Variants in GRM4 observed in about 807,000 individuals in gnomAD.
GRM4 encodes metabotropic glutamate receptor 4.
A neutral mutation model predicts 81.7 loss-of-function variants in GRM4; 28 were observed. The observed-to-expected ratio is 0.34, with a 90% CI of 0.25 to 0.47. The LOEUF (loss-of-function observed/expected upper bound fraction) is 0.47. Among genes scored for constraint, GRM4 ranks in the 20% least tolerant of loss-of-function variants. The probability of loss-of-function intolerance (pLI) is 1.00; values close to 1 mark genes in which losing one functional copy is unlikely to be tolerated. For missense variants in GRM4, 948 were observed against 1,290.0 expected (o/e 0.73, Z 4.06); for synonymous variants, 488 against 528.8 (o/e 0.92, Z 1.06).
At chr6:34,077,927 C>T (rs1413716500) in intron 3 of GRM4, among the ~76,000 whole-genome samples, 1 of 152,086 alleles carries the variant, frequency 6.6e-6, no homozygotes, top group African/African-American at 2.4e-5. Context: ...GCCTCTGTGC[C>T]CACCAGCCTC....
At position 34,053,787 on chromosome 6, in the gene GRM4, C is replaced by T. The variant is rs377110202; in HGVS notation, c.1168+2757G>A. Among the ~76,000 whole-genome samples the T allele has an allele frequency of 7.2e-5, 11 of 152,322 alleles. No individual in the cohort carries two copies. In the South Asian group the frequency reaches 1.9e-3, roughly 26 times the overall value. Reference sequence around the variant, plus strand: ...ATTAAACCGGAATGTCTAGGGTAACCGTATTTTTAAAAGATCCCCAGGTGA... The same window carrying T: ...ATTAAACCGGAATGTCTAGGGTAACTGTATTTTTAAAAGATCCCCAGGTGA... On this transcript the variant is annotated intron_variant, in intron 6 of 10. Transcript: ENST00000538487.
chr6:34,094,953 C>T (rs748372263), intron 2 of GRM4, among the ~76,000 whole-genome samples: 2 of 152,182 alleles, frequency 1.3e-5, no homozygotes, highest in South Asian at 2.1e-4. Flanking sequence ...AGTGGATGGA[C>T]GGATGGATGT....
At chr6:34,081,211 C>T (rs1767577534) in intron 3 of GRM4, among the ~76,000 whole-genome samples, 1 of 152,228 alleles carries the variant, frequency 6.6e-6, no homozygotes. Context: ...GCTGGGAGGG[C>T]CCAGGCAAGC....
At chr6:34,082,608 G>T (rs766800163) in intron 3 of GRM4, among the ~76,000 whole-genome samples, 1 of 152,208 alleles carries the variant, frequency 6.6e-6, no homozygotes, top group African/African-American at 2.4e-5. Context: ...AACTCAGCCC[G>T]CCTCCCAGCC....
rs139236496 is a variant in GRM4, at chr6:34,091,982, C to T, written c.637G>A (p.Val213Ile). Reference sequence around the variant, plus strand: ...ACATAGTTCCACTTGAGGGCACGGACGATGTCCACCATGGCCTGGGCCTGG... The same window carrying T: ...ACATAGTTCCACTTGAGGGCACGGATGATGTCCACCATGGCCTGGGCCTGG... Reference protein sequence around the residue: ...TYQAQAMVDIVRALKWNYVST... With the variant: ...TYQAQAMVDIIRALKWNYVST... The change falls in exon 3 of 11, where the codon GTC (valine) becomes ATC (isoleucine). Residue 213 changes from valine (V) to isoleucine (I), a missense_variant. By Grantham distance (29) the Val-to-Ile change is conservative (BLOSUM62 3). Transcript: ENST00000538487. 88 of 1,614,014 alleles carry T rather than the reference C, an allele frequency of 5.5e-5. 1 individual carries two copies. The South Asian group carries it at 7.5e-4, about 14-fold the overall frequency.
upstream of GRM4, among the ~76,000 whole-genome samples, chr6:34,151,036 C>T (rs1771034570): frequency 6.6e-6 from 1 of 151,528 alleles, no homozygotes; most frequent in Non-Finnish European, 1.5e-5. Context: ...GCGCTAAGCA[C>T]CTGGTGCTGC....
chr6:34,135,382 T>C (rs1305213972), intron 1 of GRM4, among the ~76,000 whole-genome samples: 1 of 152,234 alleles, frequency 6.6e-6, no homozygotes, highest in Non-Finnish European at 1.5e-5. Context: ...ACCAAGAATA[T>C]GGCTACTAAT....
At chr6:34,108,806 C>T (rs1054891203) in intron 2 of GRM4, among the ~76,000 whole-genome samples, 8 of 152,110 alleles carry the variant, frequency 5.3e-5, no homozygotes, top group South Asian at 2.1e-4. Context: ...GGCTGCCCAC[C>T]GAGGTCCCCT....
chr6:34,072,458 A>T (rs555431414), intron 3 of GRM4, among the ~76,000 whole-genome samples: 23 of 149,884 alleles, frequency 1.5e-4, no homozygotes, highest in African/African-American at 4.9e-4. Context: ...CGCCACACAC[A>T]TACCACCATA....
chr6:34,097,947 ACCTTTG>A (rs1768622249), intron 2 of GRM4, among the ~76,000 whole-genome samples: 1 of 151,992 alleles, frequency 6.6e-6, no homozygotes, highest in African/African-American at 2.4e-5. Flanking sequence ...TGTTAAAAGC[ACCTTTG>A]CCTTTCCTCC....
chr6:34,138,783 G>T (rs1305418301), intron 1 of GRM4, among the ~76,000 whole-genome samples: 1 of 152,170 alleles, frequency 6.6e-6, no homozygotes, highest in Non-Finnish European at 1.5e-5. Flanking sequence ...CACAGAGCCT[G>T]GCATCCCCAG....
intron 1 of GRM4, among the ~76,000 whole-genome samples, chr6:34,154,755 A>C (rs1771113123): frequency 6.6e-6 from 1 of 151,882 alleles, no homozygotes; most frequent in African/African-American, 2.4e-5. Context: ...AGGGAGTGCC[A>C]CTGCCCCGGG....
intron 1 of GRM4, among the ~76,000 whole-genome samples, chr6:34,142,703 C>T (rs1770741485): frequency 1.3e-5 from 2 of 152,232 alleles, no homozygotes; most frequent in Non-Finnish European, 2.9e-5. Context: ...CTCGATCGCT[C>T]ACCCGCTCGC....
intron 1 of GRM4, among the ~76,000 whole-genome samples, chr6:34,145,572 TAGAGAGCGCGCTGGAGAGCGAGCG>T (rs1331369743): frequency 1.7e-4 from 25 of 150,852 alleles, no homozygotes; most frequent in Non-Finnish European, 7.4e-5. Flanking sequence ...GAGAGCGAGC[TAGAGAGCGCGCTGGAGAGCGAGCG>T]AGAGAGGGAG....
rs931333991 is a variant in GRM4 at position 34,064,939 on chromosome 6, A to G, written c.737-2911T>C. Among the ~76,000 whole-genome samples the G allele has an allele frequency of 3.3e-5, 5 of 152,120 alleles. No homozygotes were observed. Among genetic ancestry groups the G allele is most frequent in the African/African-American group, 4.8e-5 (2 of 41,408 alleles). On this transcript the variant is annotated intron_variant, in intron 3 of 10. Coordinates refer to ENST00000538487, the MANE Select transcript of GRM4 (RefSeq NM_000841.4). This position sits in a 1 kb window ranked among gnomAD's most constrained non-coding sequence, Gnocchi z 4.4. Reference sequence around the variant, plus strand: ...CACACAGCCAGTCAGTGGGACTGCAATCCTGGTCTGTGTCCAGAGCCTCCC... The same window carrying G: ...CACACAGCCAGTCAGTGGGACTGCAGTCCTGGTCTGTGTCCAGAGCCTCCC...
At chr6:34,142,215 C>T (rs554482556) in intron 1 of GRM4, among the ~76,000 whole-genome samples, 7 of 152,300 alleles carry the variant, frequency 4.6e-5, no homozygotes, top group East Asian at 1.9e-4. Flanking sequence ...TCTGCAGCCC[C>T]GGTGAGTGGG....
At chr6:34,026,775 C>A (rs1446454732) in intron 10 of GRM4, among the ~76,000 whole-genome samples, 1 of 152,190 alleles carries the variant, frequency 6.6e-6, no homozygotes, top group East Asian at 1.9e-4. Flanking sequence ...CGCGGTGTCA[C>A]CCTTTGGGGC....
chr6:34,059,171 C>A lies in GRM4; in HGVS notation c.873-43G>T. 2 of 1,593,798 alleles carry A rather than the reference C, an allele frequency of 1.3e-6. No individual in the cohort carries two copies. The highest frequency in any genetic ancestry group is 1.7e-6 in the Non-Finnish European group (2 of 1,165,796). ...AGCCCAGCCCAGCCGCGTCTGTCCACGAAACTGCCCCCACTCCTGGCCACA... is the reference window on the plus strand; with the variant it reads ...AGCCCAGCCCAGCCGCGTCTGTCCAAGAAACTGCCCCCACTCCTGGCCACA... On this transcript the variant is annotated intron_variant, in intron 4 of 10. Coordinates refer to ENST00000538487, the MANE Select transcript of GRM4 (RefSeq NM_000841.4). This position sits in a 1 kb window ranked among gnomAD's most constrained non-coding sequence, Gnocchi z 5.7.
rs1043259097 is a variant in GRM4 at position 34,069,462 on chromosome 6, C to T, written c.737-7434G>A. ...CCCCATGCGGCTGCTCCAGAGTGAGCTGGGTGCGGGACACACGAGGGCTGG... is the reference window on the plus strand; with the variant it reads ...CCCCATGCGGCTGCTCCAGAGTGAGTTGGGTGCGGGACACACGAGGGCTGG... On this transcript the variant is annotated intron_variant, in intron 3 of 10. Transcript: ENST00000538487. This position sits in a 1 kb window ranked among gnomAD's most constrained non-coding sequence, Gnocchi z 6.4. Among the ~76,000 whole-genome samples the T allele has an allele frequency of 1.3e-5, 2 of 152,132 alleles. No individual in the cohort carries two copies. The highest frequency in any genetic ancestry group is 2.4e-5 in the African/African-American group (1 of 41,422).
Sources: allele counts gnomAD v4.1 joint callset (sites outside exome capture counted in the v4.1 genomes callset), GRCh38; gene constraint gnomAD v4.1.1; non-coding constraint Gnocchi (gnomAD v3.1); transcripts MANE v1.5; gene names NCBI Gene and HGNC (gene_info 2026-07-23, HGNC 2026-07-21).